DYM: variants seen among roughly 807,000 people sequenced by gnomAD.
The protein encoded by DYM is dyggve-Melchior-Clausen syndrome protein.
DYM carries 78 observed loss-of-function variants against 93.1 expected under a neutral mutation model. That is an observed-to-expected ratio of 0.84 (90% confidence interval 0.70 to 1.01). The LOEUF (loss-of-function observed/expected upper bound fraction) is 1.01, where lower values mean the gene tolerates loss of function less well. DYM is among the 50% of genes least tolerant of loss of function. The pLI is 0.00. For synonymous variants in DYM, 321 were observed against 319.7 expected, an observed-to-expected ratio of 1.00 and a Z score of -0.04; for missense variants, 789 against 845.0, an observed-to-expected ratio of 0.93 and a Z score of 0.82.
At chr18:49,454,907 C>CAAAA (rs35671085) in intron 1 of DYM, among the ~76,000 whole-genome samples, 12 of 73,220 alleles carry the variant, frequency 1.6e-4, no homozygotes, top group East Asian at 9.0e-4. Flanking sequence ...GACTCTGTCT[C>CAAAA]AAAAAAAAAA....
At chr18:49,060,247 C>T (rs2075838497) in intron 17 of DYM, among the ~76,000 whole-genome samples, 1 of 152,136 alleles carries the variant, frequency 6.6e-6, no homozygotes, top group South Asian at 2.1e-4. Context: ...TTTAAGCAAA[C>T]CATCAGCCTC....
chr18:49,433,210 G>A (rs983395417), intron 1 of DYM, among the ~76,000 whole-genome samples: 1 of 152,138 alleles, frequency 6.6e-6, no homozygotes, highest in Admixed American at 6.5e-5. Context: ...CACTTGATGC[G>A]TCTAACCTTA....
intron 3 of DYM, among the ~76,000 whole-genome samples, chr18:49,383,698 T>C (rs975237724): frequency 2.0e-5 from 3 of 152,222 alleles, no homozygotes; most frequent in Non-Finnish European, 2.9e-5. Flanking sequence ...ACCAGATATA[T>C]TTATTTATTC....
rs1375652943 is a variant in DYM, at chr18:49,067,654, A to G, written c.2026-23450T>C. 7.9e-5 allele frequency among the ~76,000 whole-genome samples: 12 copies of G among 152,186 alleles called. 1 individual carries two copies. The highest frequency in any genetic ancestry group is 7.9e-4 in the Admixed American group (12 of 15,286). ...GAGGGATCAACGTTATCCTGAAACAATTGTCCATGCCACATGCAGGGGCAG... is the reference window on the plus strand; with the variant it reads ...GAGGGATCAACGTTATCCTGAAACAGTTGTCCATGCCACATGCAGGGGCAG... On this transcript the variant is annotated intron_variant, in intron 17 of 17. Transcript: ENST00000675505.
At chr18:49,261,234 C>A (rs976718300) in intron 11 of DYM, among the ~76,000 whole-genome samples, 1 of 152,162 alleles carries the variant, frequency 6.6e-6, no homozygotes, top group Admixed American at 6.5e-5. Context: ...TATTTTCACT[C>A]GTTTAACTCT....
intron 14 of DYM, among the ~76,000 whole-genome samples, chr18:49,196,547 G>C (rs543955843): frequency 6.6e-6 from 1 of 152,238 alleles, no homozygotes; most frequent in South Asian, 2.1e-4. Flanking sequence ...GGGGTGGTGT[G>C]TGAGAGGAAC....
intron 2 of DYM, among the ~76,000 whole-genome samples, chr18:49,426,623 C>T (rs1167849261): frequency 6.6e-6 from 1 of 151,638 alleles, no homozygotes; most frequent in Non-Finnish European, 1.5e-5. Context: ...ACCAATACCC[C>T]TTAAACATAT....
intron 17 of DYM, among the ~76,000 whole-genome samples, chr18:49,072,750 T>C (rs1272971416): frequency 6.6e-6 from 1 of 152,212 alleles, no homozygotes; most frequent in South Asian, 2.1e-4. Flanking sequence ...TGCTTATCAT[T>C]GCTGAGACAG....
At chr18:49,176,117 T>C (rs1443098014) in intron 14 of DYM, among the ~76,000 whole-genome samples, 2 of 152,140 alleles carry the variant, frequency 1.3e-5, no homozygotes, top group African/African-American at 2.4e-5. Flanking sequence ...AACTCAGGAA[T>C]TGAATTTCCC....
intron 13 of DYM, among the ~76,000 whole-genome samples, chr18:49,256,328 C>T (rs910295637): frequency 1.3e-5 from 2 of 152,052 alleles, no homozygotes; most frequent in African/African-American, 2.4e-5. Flanking sequence ...GAGGGAACCA[C>T]AAGAGGAGGT....
At chr18:49,297,433 T>A (rs1386359359) in intron 8 of DYM, among the ~76,000 whole-genome samples, 1 of 152,006 alleles carries the variant, frequency 6.6e-6, no homozygotes, top group Non-Finnish European at 1.5e-5. Context: ...AGAGTGAAGA[T>A]GAGAGTATTG....
At chr18:49,151,578 T>C (rs1030850357) in intron 15 of DYM, among the ~76,000 whole-genome samples, 9 of 152,202 alleles carry the variant, frequency 5.9e-5, no homozygotes, top group African/African-American at 1.7e-4. Context: ...ACCCTCATAA[T>C]AGCCGAATTA....
intron 8 of DYM, among the ~76,000 whole-genome samples, chr18:49,318,047 T>G (rs1028447578): frequency 1.3e-5 from 2 of 152,142 alleles, no homozygotes; most frequent in Admixed American, 6.6e-5. Flanking sequence ...TCCACTCTAA[T>G]TCTCTACTCC....
At chr18:49,074,259 A>G (rs773197253) in intron 17 of DYM, among the ~76,000 whole-genome samples, 4 of 152,232 alleles carry the variant, frequency 2.6e-5, no homozygotes, top group Non-Finnish European at 5.9e-5. Context: ...TTTTCTTGCC[A>G]TTATCCCTAA....
At chr18:49,434,417 G>A (rs1422359570) in intron 1 of DYM, among the ~76,000 whole-genome samples, 1 of 152,002 alleles carries the variant, frequency 6.6e-6, no homozygotes, top group Non-Finnish European at 1.5e-5. Context: ...CTACTTGGGA[G>A]GCTGAGACAG....
chr18:49,214,265 A>C lies in DYM; in HGVS notation c.1461-4550T>G, dbSNP rs180983977. Reference sequence around the variant, plus strand: ...TTCAGAGCCACTCCCCACTGCTTGCATTACCACCTGAGCTCCGCCTCCTGT... The same window carrying C: ...TTCAGAGCCACTCCCCACTGCTTGCCTTACCACCTGAGCTCCGCCTCCTGT... On this transcript the variant is annotated intron_variant, in intron 13 of 17. Transcript: ENST00000675505. 1.3e-4 allele frequency among the ~76,000 whole-genome samples: 20 copies of C among 152,328 alleles called. No individual in the cohort carries two copies. The East Asian group carries it at 3.3e-3, about 25-fold the overall frequency.
chr18:49,315,191 G>C (rs1304633763), intron 8 of DYM, among the ~76,000 whole-genome samples: 1 of 150,926 alleles, frequency 6.6e-6, no homozygotes, highest in Non-Finnish European at 1.5e-5. Context: ...CTCCAGCCTG[G>C]GTGACAGAGC....
rs1212350051 is a variant in DYM, at chr18:49,202,613, G to A, written c.1625+6938C>T. 2.0e-3 allele frequency among the ~76,000 whole-genome samples: 232 copies of A among 115,914 alleles called. 2 individuals are homozygous for A. The highest frequency in any genetic ancestry group is 2.2e-3 in the Non-Finnish European group (123 of 56,274). 76.0% of individuals were successfully genotyped at this position (115,914 alleles called of 152,430 possible). A position where few individuals can be genotyped will look rare whatever the true frequency, so the allele number is the denominator to read the frequency against. ...GAGCGTCTCTGCCCGGCCGCCCATT[G>A]TCTGAGATGTGGGGAGCGCCTCTGC... On this transcript the variant is annotated intron_variant, in intron 14 of 17. Transcript: ENST00000675505.
chr18:49,292,624 A>AAAAAAAAAAAAAAAAAAAAC (rs1568189068), intron 8 of DYM, among the ~76,000 whole-genome samples: 2 of 65,046 alleles, frequency 3.1e-5, no homozygotes, highest in South Asian at 5.3e-4. Flanking sequence ...AAAAAAAAAA[A>AAAAAAAAAAAAAAAAAAAAC]ACCCCCACAA....
Sources: gnomAD v4.1 joint callset for allele counts (sites outside exome capture counted in the v4.1 genomes callset) on GRCh38, gnomAD v4.1.1 for gene constraint, MANE v1.5 for transcripts, NCBI Gene and HGNC (gene_info 2026-07-23, HGNC 2026-07-21) for gene names.